NUBPL: variants seen among roughly 807,000 people sequenced by gnomAD.
The protein encoded by NUBPL is iron-sulfur cluster transfer protein NUBPL.
NUBPL carries 31 observed loss-of-function variants against 45.7 expected under a neutral mutation model. That is an observed-to-expected ratio of 0.68 (90% CI 0.51 to 0.92). NUBPL has a LOEUF of 0.92. Among genes scored for constraint, NUBPL ranks in the 40% least tolerant of loss-of-function variants. The pLI is 0.00. For synonymous variants in NUBPL, 144 were observed against 140.9 expected, an observed-to-expected ratio of 1.02 and a Z score of -0.15; for missense variants, 401 against 398.7, an observed-to-expected ratio of 1.01 and a Z score of -0.05.
At chr14:31,841,917 C>A (rs1418464266) in intron 8 of NUBPL, among the ~76,000 whole-genome samples, 2 of 43,050 alleles carry the variant, frequency 4.6e-5, no homozygotes, top group South Asian at 9.7e-4. Flanking sequence ...CGATTCTGGG[C>A]TTTTTTTTTT....
intron 4 of NUBPL, among the ~76,000 whole-genome samples, chr14:31,657,711 C>A (rs764447927): frequency 9.9e-5 from 15 of 152,114 alleles, no homozygotes; most frequent in Non-Finnish European, 1.6e-4. Flanking sequence ...TTTCTTATCT[C>A]AGTATGTCAT....
chr14:31,763,946 C>T (rs1436121993), intron 6 of NUBPL, among the ~76,000 whole-genome samples: 1 of 152,168 alleles, frequency 6.6e-6, no homozygotes, highest in Non-Finnish European at 1.5e-5. Context: ...AATGACTTAT[C>T]TGGACACTGG....
chr14:31,818,937 C>A (rs2039970866), intron 7 of NUBPL, among the ~76,000 whole-genome samples: 1 of 152,170 alleles, frequency 6.6e-6, no homozygotes, highest in Non-Finnish European at 1.5e-5. Context: ...CTCTTTGTGA[C>A]TGTAATCACT....
At chr14:31,798,304 T>G (rs967892925) in intron 7 of NUBPL, among the ~76,000 whole-genome samples, 3 of 12,968 alleles carry the variant, frequency 2.3e-4, no homozygotes, top group Non-Finnish European at 4.9e-4. Flanking sequence ...TTATTTATGG[T>G]TTTTTTTTTT....
intron 6 of NUBPL, 22 bp from the exon 7 acceptor site, chr14:31,787,758 A>T (rs766111152): frequency 6.8e-7 from 1 of 1,465,728 alleles, no homozygotes; most frequent in Non-Finnish European, 9.6e-7. Flanking sequence ...ATACAATGAT[A>T]TAATCTATGT....
rs370874477 is a variant in NUBPL, at chr14:31,640,474, G to A, written c.383-32881G>A. On this transcript the variant is annotated intron_variant, in intron 4 of 10. Coordinates refer to ENST00000281081, the MANE Select transcript of NUBPL (RefSeq NM_025152.3). ...AATTAGTAAAAATACAAAAATTAGGGCATGGTGGTGAATACCTGTAATCCC... is the reference window on the plus strand; with the variant it reads ...AATTAGTAAAAATACAAAAATTAGGACATGGTGGTGAATACCTGTAATCCC... Among the ~76,000 whole-genome samples the A allele has an allele frequency of 2.0e-5, 3 of 151,914 alleles. 1 individual carries two copies. The highest frequency in any genetic ancestry group is 1.5e-5 in the Non-Finnish European group (1 of 67,940).
intron 3 of NUBPL, among the ~76,000 whole-genome samples, chr14:31,586,953 T>C (rs1484530820): frequency 6.6e-6 from 1 of 152,198 alleles, no homozygotes; most frequent in Non-Finnish European, 1.5e-5. Flanking sequence ...GTCACTTACT[T>C]GAATCTAACT....
At chr14:31,762,999 T>C (rs1362975569) in intron 6 of NUBPL, among the ~76,000 whole-genome samples, 1 of 152,220 alleles carries the variant, frequency 6.6e-6, no homozygotes, top group Non-Finnish European at 1.5e-5. Context: ...ATGTAGCTTA[T>C]TGAATAGTCT....
chr14:31,664,446 G>C (rs753920904), intron 4 of NUBPL, among the ~76,000 whole-genome samples: 5 of 152,132 alleles, frequency 3.3e-5, no homozygotes, highest in East Asian at 1.9e-4. Context: ...TAGCATAAAG[G>C]GCTGTTGAAT....
At chr14:31,737,671 C>T (rs1177275746) in intron 6 of NUBPL, among the ~76,000 whole-genome samples, 2 of 152,106 alleles carry the variant, frequency 1.3e-5, no homozygotes. Flanking sequence ...ATTGTTCCGT[C>T]TACTCCGGAG....
intron 8 of NUBPL, among the ~76,000 whole-genome samples, chr14:31,837,773 T>G (rs1209370906): frequency 6.6e-6 from 1 of 151,982 alleles, no homozygotes; most frequent in African/African-American, 2.4e-5. Flanking sequence ...GATATACAAA[T>G]GACAAAAAAA....
chr14:31,663,012 A>T (rs1055051399), intron 4 of NUBPL, among the ~76,000 whole-genome samples: 3 of 152,154 alleles, frequency 2.0e-5, no homozygotes, highest in Admixed American at 2.0e-4. Flanking sequence ...GCATTTTTTC[A>T]TATATTTGTT....
At chr14:31,639,855 G>A (rs1462819654) in intron 4 of NUBPL, among the ~76,000 whole-genome samples, 2 of 152,190 alleles carry the variant, frequency 1.3e-5, no homozygotes, top group Admixed American at 1.3e-4. Flanking sequence ...CTAGCAATCA[G>A]AGAGACTCCG....
intron 4 of NUBPL, among the ~76,000 whole-genome samples, chr14:31,636,212 A>T (rs2035493137): frequency 6.6e-6 from 1 of 151,982 alleles, no homozygotes; most frequent in Non-Finnish European, 1.5e-5. Context: ...ATTCAGTATG[A>T]TATTGGCTGT....
chr14:31,653,389 T>C (rs1446547846), intron 4 of NUBPL, among the ~76,000 whole-genome samples: 1 of 152,156 alleles, frequency 6.6e-6, no homozygotes, highest in Non-Finnish European at 1.5e-5. Flanking sequence ...AGAGCAGCCG[T>C]TTATAGACCT....
In NUBPL at chr14:31,747,482, A is replaced by C. The variant is rs930555869; in HGVS notation, c.514-40298A>C. Reference sequence around the variant, plus strand: ...TGCGAGACTTTTTATTATTGATCCCATCTTATTACTCATTATTGGCCTGCT... The same window carrying C: ...TGCGAGACTTTTTATTATTGATCCCCTCTTATTACTCATTATTGGCCTGCT... On this transcript the variant is annotated intron_variant, in intron 6 of 10. Coordinates refer to ENST00000281081, the MANE Select transcript of NUBPL (RefSeq NM_025152.3). Among the ~76,000 whole-genome samples the C allele has an allele frequency of 2.6e-5, 4 of 151,920 alleles. No homozygotes were observed. The South Asian group carries it at 8.3e-4, about 32-fold the overall frequency.
intron 4 of NUBPL, among the ~76,000 whole-genome samples, chr14:31,623,857 A>G (rs533054489): frequency 7.5e-4 from 114 of 152,200 alleles, no homozygotes; most frequent in Non-Finnish European, 1.4e-3. Context: ...TTGAGTTGCA[A>G]GAGTGAGAGC....
At chr14:31,761,693 TTATTGGCTTACTAGTA>T (rs1377284194) in intron 6 of NUBPL, among the ~76,000 whole-genome samples, 1 of 152,204 alleles carries the variant, frequency 6.6e-6, no homozygotes, top group Non-Finnish European at 1.5e-5. Context: ...CTCATTCTGT[TTATTGGCTTACTAGTA>T]TTTCGTAGTA....
chr14:31,816,424 C>A (rs2039917615), intron 7 of NUBPL, among the ~76,000 whole-genome samples: 1 of 147,880 alleles, frequency 6.8e-6, no homozygotes, highest in African/African-American at 2.4e-5. Flanking sequence ...TCTCTCTTTT[C>A]TTCTTTATTA....
Sources: gnomAD v4.1 joint callset for allele counts (sites outside exome capture counted in the v4.1 genomes callset) on GRCh38, gnomAD v4.1.1 for gene constraint, MANE v1.5 for transcripts, NCBI Gene and HGNC (gene_info 2026-07-23, HGNC 2026-07-21) for gene names.